The following SH3RF3 variants were observed in gnomAD, a reference collection of about 807,000 sequenced individuals.
SH3RF3 encodes E3 ubiquitin-protein ligase SH3RF3.
In SH3RF3, 29 loss-of-function variants were observed where a neutral mutation model predicts 66.3. That is an observed-to-expected ratio of 0.44 (90% CI 0.33 to 0.60). The LOEUF (loss-of-function observed/expected upper bound fraction) is 0.60. Ranked by LOEUF, SH3RF3 falls within the 20% of genes least tolerant of loss-of-function variation. The pLI, the probability that SH3RF3 is intolerant of heterozygous loss-of-function variation, is 0.04. For synonymous variants in SH3RF3, 583 were observed against 532.0 expected (o/e 1.10, Z -1.32); for missense variants, 1,194 against 1,190.9 (o/e 1.00, Z -0.04).
At chr2:109,465,743 A>C (rs1162980773) in intron 8 of SH3RF3, among the ~76,000 whole-genome samples, 2 of 152,186 alleles carry the variant, frequency 1.3e-5, no homozygotes, top group African/African-American at 4.8e-5. Flanking sequence ...CGGAAGACAA[A>C]GAGGGAACAA....
At chr2:109,342,889 G>A (rs1682588279) in intron 1 of SH3RF3, among the ~76,000 whole-genome samples, 1 of 152,260 alleles carries the variant, frequency 6.6e-6, no homozygotes, top group Non-Finnish European at 1.5e-5. Context: ...ATGCCTTGCA[G>A]GGGTGGCTGA....
At chr2:109,196,126 G>A (rs951751962) in intron 1 of SH3RF3, among the ~76,000 whole-genome samples, 4 of 152,344 alleles carry the variant, frequency 2.6e-5, no homozygotes, top group Middle Eastern at 3.4e-3. Context: ...GACAGAAGCC[G>A]GCAGGCACAC....
intron 1 of SH3RF3, among the ~76,000 whole-genome samples, chr2:109,132,225 ATCT>A (rs1488904920): frequency 6.6e-6 from 1 of 152,164 alleles, no homozygotes; most frequent in Non-Finnish European, 1.5e-5. Context: ...AGCTCCTTAC[ATCT>A]TCTTTTGGGC....
intron 4 of SH3RF3, among the ~76,000 whole-genome samples, chr2:109,413,964 C>T (rs1279083742): frequency 2.0e-5 from 3 of 152,220 alleles, no homozygotes; most frequent in African/African-American, 7.2e-5. Context: ...GTCAGCATTC[C>T]CAAGACCAGT....
intron 8 of SH3RF3, among the ~76,000 whole-genome samples, chr2:109,488,712 G>A (rs564961101): frequency 3.3e-5 from 5 of 152,270 alleles, no homozygotes; most frequent in South Asian, 2.1e-4. Context: ...AACTAGACTC[G>A]GGAAACACCA....
chr2:109,482,776 T>C (rs1403165196), intron 8 of SH3RF3, among the ~76,000 whole-genome samples: 1 of 152,206 alleles, frequency 6.6e-6, no homozygotes, highest in African/African-American at 2.4e-5. Flanking sequence ...GCTTCACCAC[T>C]GATAACAGCA....
chr2:109,195,001 C>A (rs1165569956), intron 1 of SH3RF3, among the ~76,000 whole-genome samples: 2 of 152,090 alleles, frequency 1.3e-5, no homozygotes, highest in African/African-American at 2.4e-5. Flanking sequence ...TTTGAGAACA[C>A]ACAGCTTTTT....
intron 8 of SH3RF3, among the ~76,000 whole-genome samples, chr2:109,490,214 G>A (rs1265516349): frequency 6.6e-6 from 1 of 152,214 alleles, no homozygotes; most frequent in Non-Finnish European, 1.5e-5. Flanking sequence ...CACCAGCCTT[G>A]GAAAATAGAA....
chr2:109,285,360 G>A (rs1681008419), intron 1 of SH3RF3, among the ~76,000 whole-genome samples: 1 of 152,220 alleles, frequency 6.6e-6, no homozygotes, highest in Non-Finnish European at 1.5e-5. Context: ...TGAGTCATTA[G>A]CATGCCTTTC....
chr2:109,463,787 C>T (rs1019386873), intron 8 of SH3RF3, among the ~76,000 whole-genome samples: 2 of 152,332 alleles, frequency 1.3e-5, no homozygotes, highest in South Asian at 2.1e-4. Context: ...AATGATGCCT[C>T]TGTGACATGG....
chr2:109,490,658 G>A lies in SH3RF3; in HGVS notation c.2202G>A (p.Lys734=), dbSNP rs1679104620. ...TTCTAGCCGGAGCATCCACCAAGAA[G>A]AAGTCACGCTCCCCGCCATCTGTGT... ...LKLLAGASTK[K]KSRSPPSVSP... Residue 734 remains lysine, a synonymous_variant, in exon 9 of 10, where the codon AAG becomes AAA. Coordinates refer to ENST00000309415, the MANE Select transcript of SH3RF3 (RefSeq NM_001099289.3). The A allele has an allele frequency of 3.3e-6, 5 of 1,510,354 alleles. No homozygotes were observed. In the East Asian group the frequency reaches 1.2e-4, roughly 38 times the overall value. 93.6% of individuals were successfully genotyped at this position (1,510,354 alleles called of 1,614,324 possible). A position where few individuals can be genotyped will look rare whatever the true frequency, so the allele number is the denominator to read the frequency against.
At chr2:109,432,368 C>T in intron 5 of SH3RF3, 133 bp from the exon 6 acceptor site, 8 of 1,149,748 alleles carry the variant, frequency 7.0e-6, no homozygotes, top group Non-Finnish European at 9.8e-6. Flanking sequence ...CTGTAAACTG[C>T]AGAGCCCCCA....
intron 1 of SH3RF3, among the ~76,000 whole-genome samples, chr2:109,182,163 A>G (rs1170781920): frequency 6.6e-6 from 1 of 152,220 alleles, no homozygotes; most frequent in Non-Finnish European, 1.5e-5. Context: ...CACAAACTGG[A>G]TAACTTATAA....
intron 5 of SH3RF3, among the ~76,000 whole-genome samples, chr2:109,430,005 G>A (rs1170214037): frequency 6.6e-6 from 1 of 152,204 alleles, no homozygotes; most frequent in African/African-American, 2.4e-5. Context: ...TGAGCCCCTA[G>A]CTCTGCACCT....
intron 5 of SH3RF3, among the ~76,000 whole-genome samples, chr2:109,427,855 C>T (rs60433005): frequency 0.11 from 15,999 of 152,264 alleles, 1,508 homozygotes; most frequent in African/African-American, 0.25. Flanking sequence ...AGGGAAGAGG[C>T]GAAGGCAGCA....
At chr2:109,434,678 C>T (rs992041604) in intron 6 of SH3RF3, among the ~76,000 whole-genome samples, 4 of 152,208 alleles carry the variant, frequency 2.6e-5, no homozygotes, top group Non-Finnish European at 4.4e-5. Context: ...GTGCTGTAGT[C>T]GGGATGGACA....
intron 1 of SH3RF3, among the ~76,000 whole-genome samples, chr2:109,133,031 A>G (rs114050520): frequency 2.9e-3 from 438 of 152,308 alleles, no homozygotes; most frequent in Admixed American, 5.9e-3. Context: ...AGACTCGGCT[A>G]GGCACTATTA....
intron 1 of SH3RF3, among the ~76,000 whole-genome samples, chr2:109,282,396 T>C (rs534269865): frequency 6.6e-5 from 10 of 152,106 alleles, no homozygotes; most frequent in Non-Finnish European, 1.2e-4. Context: ...TACCAAAACA[T>C]GGGTGTGAAG....
intron 2 of SH3RF3, among the ~76,000 whole-genome samples, chr2:109,362,147 A>G (rs1222359056): frequency 6.6e-6 from 1 of 151,930 alleles, no homozygotes; most frequent in African/African-American, 2.4e-5. Context: ...CCTAAAGTGA[A>G]GATTTAGATT....
Sources: gnomAD v4.1 joint callset for allele counts (sites outside exome capture counted in the v4.1 genomes callset) on GRCh38, gnomAD v4.1.1 for gene constraint, MANE v1.5 for transcripts, NCBI Gene and HGNC (gene_info 2026-07-23, HGNC 2026-07-21) for gene names.